The following WDR7 variants were observed in gnomAD, a reference collection of about 807,000 sequenced individuals.
WDR7 encodes the protein WD repeat-containing protein 7.
A neutral mutation model predicts 169.4 loss-of-function variants in WDR7; 46 were observed. The observed-to-expected ratio is 0.27, with a 90% CI of 0.21 to 0.35. WDR7 has a LOEUF of 0.35. Ranked by LOEUF, WDR7 falls within the 10% of genes least tolerant of loss-of-function variation. WDR7 has a pLI of 1.00. For missense variants in WDR7, 1,534 were observed against 1,859.3 expected (o/e 0.83, Z 3.22); for synonymous variants, 612 against 666.8 (o/e 0.92, Z 1.27).
intron 21 of WDR7, among the ~76,000 whole-genome samples, chr18:56,885,578 A>C (rs1371195772): frequency 4.6e-5 from 7 of 152,072 alleles, no homozygotes; most frequent in African/African-American, 1.4e-4. Context: ...TAATCCCAGC[A>C]CTTTGGGAGG....
intron 20 of WDR7, among the ~76,000 whole-genome samples, chr18:56,858,532 G>T (rs2045756032): frequency 1.3e-5 from 2 of 151,972 alleles, no homozygotes; most frequent in South Asian, 4.2e-4. Flanking sequence ...TGCCCAGGCT[G>T]GTCTAGAACT....
intron 19 of WDR7, among the ~76,000 whole-genome samples, chr18:56,798,697 T>G (rs533629603): frequency 7.2e-5 from 11 of 152,220 alleles, no homozygotes; most frequent in Non-Finnish European, 1.5e-4. Flanking sequence ...ACCCAATTTA[T>G]TTTCTTTTCC....
intron 12 of WDR7, among the ~76,000 whole-genome samples, chr18:56,713,088 A>G (rs750902045): frequency 2.0e-5 from 3 of 152,212 alleles, no homozygotes; most frequent in Non-Finnish European, 4.4e-5. Flanking sequence ...AGCCATCACA[A>G]AATGGGCAGG....
chr18:56,863,559 T>A (rs1203999072), intron 20 of WDR7, among the ~76,000 whole-genome samples: 1 of 151,710 alleles, frequency 6.6e-6, no homozygotes, highest in South Asian at 2.1e-4. Flanking sequence ...TGAAAAAGTA[T>A]TACATTTCCT....
chr18:56,674,491 T>G (rs1168636473), intron 2 of WDR7, among the ~76,000 whole-genome samples: 1 of 152,150 alleles, frequency 6.6e-6, no homozygotes, highest in Non-Finnish European at 1.5e-5. Context: ...AACTTAAAAT[T>G]TTTTCCTTTG....
At chr18:56,679,941 A>G (rs774788609) in intron 3 of WDR7, among the ~76,000 whole-genome samples, 27 of 152,206 alleles carry the variant, frequency 1.8e-4, no homozygotes, top group Non-Finnish European at 3.2e-4. Flanking sequence ...GTAGAGCCCA[A>G]TGTTATTAAA....
chr18:56,763,398 T>G (rs2044011088), intron 16 of WDR7, among the ~76,000 whole-genome samples: 1 of 152,238 alleles, frequency 6.6e-6, no homozygotes, highest in South Asian at 2.1e-4. Context: ...ATTTTCTTAA[T>G]AAGACAAAGT....
rs553719301 is a variant in WDR7 at position 56,747,494 on chromosome 18, G to A, written c.1990-9089G>A. Among the ~76,000 whole-genome samples, 3 of 152,270 alleles carry A rather than the reference G, an allele frequency of 2.0e-5. No individual in the cohort carries two copies. In the South Asian group the frequency reaches 6.2e-4, roughly 32 times the overall value. Reference sequence around the variant, plus strand: ...CCCAAGCTACAACCAGCTGGAGAGGGCATCAGTTACACCCACACCCAGTGG... The same window carrying A: ...CCCAAGCTACAACCAGCTGGAGAGGACATCAGTTACACCCACACCCAGTGG... On this transcript the variant is annotated intron_variant, in intron 14 of 27. Transcript: ENST00000254442.
At chr18:56,726,625 C>G (rs2144782790) in intron 13 of WDR7, among the ~76,000 whole-genome samples, 1 of 152,244 alleles carries the variant, frequency 6.6e-6, no homozygotes, top group East Asian at 1.9e-4. Context: ...TCCTCTTTTC[C>G]TAATTGAATA....
intron 21 of WDR7, among the ~76,000 whole-genome samples, chr18:56,888,423 A>G (rs76516433): frequency 0.012 from 1,775 of 152,330 alleles, 48 homozygotes; most frequent in African/African-American, 0.041. Context: ...GGCAGGAGCT[A>G]TTCTGACTTT....
At chr18:56,675,478 T>C (rs1180619720) in intron 2 of WDR7, among the ~76,000 whole-genome samples, 1 of 152,170 alleles carries the variant, frequency 6.6e-6, no homozygotes, top group African/African-American at 2.4e-5. Context: ...CTATTAGATA[T>C]AGAATTTTTC....
At chr18:57,011,678 A>T (rs2048137507) in intron 26 of WDR7, among the ~76,000 whole-genome samples, 1 of 152,200 alleles carries the variant, frequency 6.6e-6, no homozygotes, top group Non-Finnish European at 1.5e-5. Context: ...ATAGAGATAA[A>T]CACTCGGTTT....
intron 1 of WDR7, among the ~76,000 whole-genome samples, chr18:56,655,009 C>T (rs2024736294): frequency 6.6e-6 from 1 of 152,202 alleles, no homozygotes; most frequent in African/African-American, 2.4e-5. Context: ...CTTGCTCTAA[C>T]ACTATACTGT....
intron 6 of WDR7, among the ~76,000 whole-genome samples, chr18:56,686,337 C>G (rs1158221867): frequency 1.3e-5 from 2 of 151,470 alleles, no homozygotes; most frequent in African/African-American, 4.8e-5. Flanking sequence ...TTTAAATTGA[C>G]TCAAAGGAAA....
chr18:56,865,974 A>G (rs937109840), intron 20 of WDR7, among the ~76,000 whole-genome samples: 1 of 152,170 alleles, frequency 6.6e-6, no homozygotes, highest in African/African-American at 2.4e-5. Flanking sequence ...GGAACATTTA[A>G]AACTATACAA....
At chr18:56,742,441 CTAATA>C (rs1324067277) in intron 14 of WDR7, among the ~76,000 whole-genome samples, 1 of 152,122 alleles carries the variant, frequency 6.6e-6, no homozygotes, top group Non-Finnish European at 1.5e-5. Context: ...TTATTCTCTT[CTAATA>C]TGTTTGAAAA....
intron 2 of WDR7, among the ~76,000 whole-genome samples, chr18:56,675,379 T>A (rs1166109306): frequency 6.6e-6 from 1 of 152,034 alleles, no homozygotes; most frequent in Non-Finnish European, 1.5e-5. Flanking sequence ...AGATCTTTAG[T>A]TTTTTTTCAG....
At chr18:57,013,783 C>T (rs1474522694) in intron 26 of WDR7, among the ~76,000 whole-genome samples, 3 of 152,204 alleles carry the variant, frequency 2.0e-5, no homozygotes, top group Non-Finnish European at 2.9e-5. Context: ...AGACACTGTC[C>T]ATTGGCTTAG....
chr18:56,723,206 C>CTTT (rs79345820), intron 13 of WDR7, among the ~76,000 whole-genome samples: 21 of 143,614 alleles, frequency 1.5e-4, no homozygotes, highest in Non-Finnish European at 1.7e-4. Flanking sequence ...TTTTTCTTTC[C>CTTT]TTTTTTTTTT....
Sources: allele counts gnomAD v4.1 joint callset (sites outside exome capture counted in the v4.1 genomes callset), GRCh38; gene constraint gnomAD v4.1.1; transcripts MANE v1.5; gene names NCBI Gene and HGNC (gene_info 2026-07-23, HGNC 2026-07-21).